The following SLC2A13 variants were observed in gnomAD, a reference collection of about 807,000 sequenced individuals.
The protein encoded by SLC2A13 is solute carrier family 2 member 13.
SLC2A13 carries 32 observed loss-of-function variants against 64.4 expected under a neutral mutation model. The observed-to-expected ratio is 0.50, with a 90% CI of 0.37 to 0.67. SLC2A13 has a LOEUF of 0.67. SLC2A13 is among the 30% of genes least tolerant of loss of function. The pLI is 0.00. For missense variants in SLC2A13, 743 were observed against 829.2 expected (o/e 0.90, Z 1.28); for synonymous variants, 338 against 327.1 (o/e 1.03, Z -0.36).
chr12:40,088,714 C>T (rs953678288), intron 1 of SLC2A13, among the ~76,000 whole-genome samples: 13 of 152,074 alleles, frequency 8.5e-5, no homozygotes, highest in African/African-American at 3.1e-4. Context: ...CTCAAAAACA[C>T]CAAAGTGTGG....
intron 2 of SLC2A13, among the ~76,000 whole-genome samples, chr12:40,031,911 G>A (rs1015525708): frequency 2.0e-5 from 3 of 152,152 alleles, no homozygotes; most frequent in Non-Finnish European, 4.4e-5. Flanking sequence ...AAGGAAAGCA[G>A]GAATTAGATG....
intron 4 of SLC2A13, among the ~76,000 whole-genome samples, chr12:39,886,598 TG>T (rs1477710403): frequency 6.6e-6 from 1 of 152,156 alleles, no homozygotes; most frequent in Non-Finnish European, 1.5e-5. Context: ...GAGATATTTC[TG>T]AGTTAAATGT....
chr12:39,927,298 A>G (rs1022802945), intron 4 of SLC2A13, among the ~76,000 whole-genome samples: 1 of 152,164 alleles, frequency 6.6e-6, no homozygotes, highest in African/African-American at 2.4e-5. Context: ...CTGACACCAA[A>G]ATACTTAAGG....
chr12:39,796,300 C>T (rs1442779298), intron 7 of SLC2A13, among the ~76,000 whole-genome samples: 6 of 151,818 alleles, frequency 4.0e-5, no homozygotes, highest in South Asian at 4.2e-4. Flanking sequence ...GGCAGAAATA[C>T]GGTACAATTC....
At chr12:39,868,646 A>AG (rs951404917) in intron 5 of SLC2A13, among the ~76,000 whole-genome samples, 2 of 152,156 alleles carry the variant, frequency 1.3e-5, no homozygotes, top group African/African-American at 2.4e-5. Flanking sequence ...AAAATACATG[A>AG]GGGGGGAAAA....
chr12:39,774,685 T>TA (rs995155420), intron 7 of SLC2A13, among the ~76,000 whole-genome samples: 14 of 151,978 alleles, frequency 9.2e-5, no homozygotes, highest in Admixed American at 7.9e-4. Flanking sequence ...TATTTTCTAA[T>TA]AAAAAAGTCT....
intron 2 of SLC2A13, among the ~76,000 whole-genome samples, chr12:40,033,716 A>G (rs1947937446): frequency 6.6e-6 from 1 of 152,226 alleles, no homozygotes; most frequent in African/African-American, 2.4e-5. Flanking sequence ...AACATACACT[A>G]GTAAGCTTTT....
At chr12:39,955,248 A>C (rs1041565859) in intron 3 of SLC2A13, among the ~76,000 whole-genome samples, 28 of 152,302 alleles carry the variant, frequency 1.8e-4, no homozygotes, top group African/African-American at 6.3e-4. Flanking sequence ...TTGGAAACTA[A>C]ATAACACATT....
In SLC2A13 at chr12:40,105,284, G is replaced by A. The variant is rs904874154; in HGVS notation, c.525C>T (p.Leu175=). 2.5e-6 allele frequency: 4 copies of A among 1,599,294 alleles called. No individual in the cohort carries two copies. Among genetic ancestry groups the A allele is most frequent in the East Asian group, 2.3e-5 (1 of 43,902 alleles). The change falls in exon 1 of 10, where the codon CTC becomes CTT. Residue 175 remains leucine, a synonymous_variant. Transcript: ENST00000280871. This position sits in a 1 kb window ranked among gnomAD's most constrained non-coding sequence, Gnocchi z 4.2. ...LAAANNKETL[L]AGRLVVGLGI... is the part of the protein sequence containing the mutation. The stretch of plus-strand genomic sequence containing the variant: ...CGAGTCCCACGACCAGGCGGCCGGC[G>A]AGCAGTGTCTCCTTGTTGTTGGCCG...
At chr12:40,080,672 A>G (rs1395304666) in intron 1 of SLC2A13, among the ~76,000 whole-genome samples, 1 of 152,194 alleles carries the variant, frequency 6.6e-6, no homozygotes, top group East Asian at 1.9e-4. Flanking sequence ...GATTACAGGC[A>G]TAAGCCACAA....
chr12:40,059,564 G>A (rs921283980), intron 1 of SLC2A13, among the ~76,000 whole-genome samples: 5 of 152,128 alleles, frequency 3.3e-5, no homozygotes, highest in African/African-American at 1.2e-4. Flanking sequence ...TATGATGAAG[G>A]ATATAGATGA....
At chr12:39,969,241 G>A (rs1176102830) in intron 3 of SLC2A13, among the ~76,000 whole-genome samples, 6 of 152,026 alleles carry the variant, frequency 3.9e-5, no homozygotes, top group Non-Finnish European at 7.4e-5. Flanking sequence ...GCTATTGTGA[G>A]TAGTGCCACA....
rs1939985850 is a variant in SLC2A13 at position 39,756,979 on chromosome 12, A to G, written c.*3047T>C. 1 of 151,698 alleles carries G rather than the reference A, an allele frequency of 6.6e-6. No individual in the cohort carries two copies. Among genetic ancestry groups the G allele is most frequent in the Non-Finnish European group, 1.5e-5 (1 of 67,658 alleles). The allele number at this position is 151,698 out of a possible 1,614,324, so 9.4% of individuals were successfully genotyped here. ...TTACCTTTTATTATTTATTATTTAA[A>G]TATTTTACATATATTAAAAATAATC... On this transcript the variant is annotated 3_prime_UTR_variant, in exon 10 of 10. Coordinates refer to ENST00000280871, the MANE Select transcript of SLC2A13 (RefSeq NM_052885.4).
intron 4 of SLC2A13, among the ~76,000 whole-genome samples, chr12:39,920,010 A>G (rs985134781): frequency 3.9e-5 from 6 of 151,994 alleles, no homozygotes; most frequent in Non-Finnish European, 8.8e-5. Flanking sequence ...TCTGTTACTT[A>G]GGAGTCCAGC....
chr12:40,049,955 T>C (rs546949350), intron 1 of SLC2A13, among the ~76,000 whole-genome samples: 22 of 152,270 alleles, frequency 1.4e-4, no homozygotes, highest in African/African-American at 5.3e-4. Flanking sequence ...TTGAGTTTCA[T>C]AGAATAATAA....
intron 1 of SLC2A13, among the ~76,000 whole-genome samples, chr12:40,081,595 T>C (rs1009357949): frequency 6.6e-6 from 1 of 152,224 alleles, no homozygotes; most frequent in Admixed American, 6.5e-5. Flanking sequence ...TTTATTGGAA[T>C]CCTTAGATTC....
At chr12:39,996,234 T>C (rs1947227668) in intron 3 of SLC2A13, among the ~76,000 whole-genome samples, 1 of 152,318 alleles carries the variant, frequency 6.6e-6, no homozygotes, top group East Asian at 1.9e-4. Flanking sequence ...CCCTAGAGAT[T>C]TGTGGAACTT....
chr12:40,063,022 T>A lies in SLC2A13; in HGVS notation c.557-14812A>T, dbSNP rs955817199. ...TCATTAATGCTTCTATAAATATCAT[T>A]TATCCAGCATCTATTTTTACAAGTT... On this transcript the variant is annotated intron_variant, in intron 1 of 9. Transcript: ENST00000280871. Among the ~76,000 whole-genome samples the A allele has an allele frequency of 5.3e-5, 8 of 152,154 alleles. No individual in the cohort carries two copies. In the East Asian group the frequency reaches 1.3e-3, roughly 26 times the overall value.
intron 3 of SLC2A13, among the ~76,000 whole-genome samples, chr12:40,023,852 G>A (rs746978123): frequency 1.6e-4 from 24 of 152,170 alleles, no homozygotes; most frequent in Non-Finnish European, 2.5e-4. Context: ...TGAAGCCAAT[G>A]AATGAAAACT....
Sources: allele counts gnomAD v4.1 joint callset (sites outside exome capture counted in the v4.1 genomes callset), GRCh38; gene constraint gnomAD v4.1.1; non-coding constraint Gnocchi (gnomAD v3.1); transcripts MANE v1.5; gene names NCBI Gene and HGNC (gene_info 2026-07-23, HGNC 2026-07-21).